Variants in FOXP2 observed in about 807,000 individuals in gnomAD.
FOXP2 encodes the protein forkhead box protein P2.
In FOXP2, 12 loss-of-function variants were observed where a neutral mutation model predicts 115.8. The observed-to-expected ratio is 0.10, with a 90% CI of 0.07 to 0.17. The LOEUF (loss-of-function observed/expected upper bound fraction) is 0.17, where lower values mean the gene tolerates loss of function less well. FOXP2 is among the 10% of genes least tolerant of loss of function. FOXP2 has a pLI of 1.00. For synonymous variants in FOXP2, 328 were observed against 297.7 expected (o/e 1.10, Z -1.05); for missense variants, 629 against 843.5 (o/e 0.75, Z 3.15).
chr7:114,430,058 AT>A (rs1276248204), intron 2 of FOXP2, among the ~76,000 whole-genome samples: 4 of 151,572 alleles, frequency 2.6e-5, no homozygotes, highest in Non-Finnish European at 4.4e-5. Flanking sequence ...CTCATTCTAT[AT>A]TTTCATCTTC....
intron 16 of FOXP2, among the ~76,000 whole-genome samples, chr7:114,673,041 T>C (rs945016667): frequency 5.3e-5 from 8 of 152,200 alleles, no homozygotes; most frequent in Non-Finnish European, 1.2e-4. Context: ...ATACACCCCG[T>C]ATACTCATAT....
At chr7:114,523,037 C>A (rs1424049051) in intron 2 of FOXP2, among the ~76,000 whole-genome samples, 3 of 151,728 alleles carry the variant, frequency 2.0e-5, no homozygotes, top group South Asian at 4.2e-4. Context: ...TTATTTCATT[C>A]TTTTAATAGT....
intron 13 of FOXP2, among the ~76,000 whole-genome samples, chr7:114,660,969 A>G (rs1041429559): frequency 6.6e-6 from 1 of 151,856 alleles, no homozygotes; most frequent in African/African-American, 2.4e-5. Flanking sequence ...GCTCATTAAT[A>G]TTAAAATTAT....
chr7:114,277,092 G>C (rs770301593), intron 1 of FOXP2, among the ~76,000 whole-genome samples: 1 of 152,106 alleles, frequency 6.6e-6, no homozygotes, highest in Non-Finnish European at 1.5e-5. Flanking sequence ...GGGTTTAGAA[G>C]TCGGAACCCA....
intron 15 of FOXP2, among the ~76,000 whole-genome samples, chr7:114,663,853 G>A (rs1807018602): frequency 6.6e-6 from 1 of 152,116 alleles, no homozygotes; most frequent in Admixed American, 6.6e-5. Flanking sequence ...GGAACATGGT[G>A]CTTGTGGCAA....
intron 2 of FOXP2, among the ~76,000 whole-genome samples, chr7:114,377,404 T>C (rs1298648374): frequency 6.6e-6 from 1 of 152,194 alleles, no homozygotes; most frequent in Non-Finnish European, 1.5e-5. Context: ...GAAGTCATTC[T>C]GGGGAGGTAA....
At chr7:114,118,407 A>G (rs761496201) in intron 1 of FOXP2, among the ~76,000 whole-genome samples, 4 of 152,128 alleles carry the variant, frequency 2.6e-5, no homozygotes, top group Non-Finnish European at 4.4e-5. Context: ...ATAGACAGGT[A>G]TAGTAAATGA....
At chr7:114,317,186 G>A (rs188525475) in intron 2 of FOXP2, among the ~76,000 whole-genome samples, 46 of 152,296 alleles carry the variant, frequency 3.0e-4, no homozygotes, top group Non-Finnish European at 5.6e-4. Context: ...GGTACCTAGT[G>A]AGATTTCTGT....
At chr7:114,267,590 G>A (rs1033759083) in intron 1 of FOXP2, among the ~76,000 whole-genome samples, 14 of 151,674 alleles carry the variant, frequency 9.2e-5, no homozygotes, top group African/African-American at 3.1e-4. Context: ...AGCCAGGTGT[G>A]GTGGTGGGTG....
chr7:114,634,707 T>C (rs1805119492), intron 6 of FOXP2, among the ~76,000 whole-genome samples: 1 of 152,168 alleles, frequency 6.6e-6, no homozygotes, highest in African/African-American at 2.4e-5. Flanking sequence ...ATATACTGAT[T>C]ATAAATCTAT....
intron 1 of FOXP2, among the ~76,000 whole-genome samples, chr7:114,100,150 T>A (rs887769948): frequency 1.3e-5 from 2 of 152,210 alleles, no homozygotes; most frequent in African/African-American, 4.8e-5. Flanking sequence ...TGAATTGGAA[T>A]CAACCATTAT....
chr7:114,285,948 AT>A (rs749875820), intron 1 of FOXP2, among the ~76,000 whole-genome samples: 1 of 151,972 alleles, frequency 6.6e-6, no homozygotes, highest in Non-Finnish European at 1.5e-5. Flanking sequence ...AGCAAAATCA[AT>A]TAATTTTATG....
chr7:114,621,457 C>A (rs1182134385), intron 3 of FOXP2, among the ~76,000 whole-genome samples: 1 of 152,022 alleles, frequency 6.6e-6, no homozygotes, highest in Non-Finnish European at 1.5e-5. Context: ...ATGAACTAAT[C>A]TTGGATCTGT....
chr7:114,134,490 G>A (rs1395910861), intron 1 of FOXP2, among the ~76,000 whole-genome samples: 3 of 152,102 alleles, frequency 2.0e-5, no homozygotes, highest in African/African-American at 7.2e-5. Context: ...GAGGCGGGCG[G>A]ATCACGAGGT....
At chr7:114,323,371 G>T (rs909067299) in intron 2 of FOXP2, among the ~76,000 whole-genome samples, 3 of 152,096 alleles carry the variant, frequency 2.0e-5, no homozygotes, top group Non-Finnish European at 4.4e-5. Context: ...TTGGTTTTAT[G>T]CAAAGAGAAA....
chr7:114,331,556 A>T (rs1797714363), intron 2 of FOXP2, among the ~76,000 whole-genome samples: 1 of 152,176 alleles, frequency 6.6e-6, no homozygotes, highest in African/African-American at 2.4e-5. Context: ...AAAACGTGTC[A>T]GCTTCTTCTC....
At chr7:114,376,176 T>C (rs1792133135) in intron 2 of FOXP2, among the ~76,000 whole-genome samples, 1 of 152,136 alleles carries the variant, frequency 6.6e-6, no homozygotes, top group African/African-American at 2.4e-5. Flanking sequence ...ACAACCAGGA[T>C]TCAGATCTTA....
At chr7:114,586,010 G>A (rs1040930407) in intron 3 of FOXP2, among the ~76,000 whole-genome samples, 2 of 151,382 alleles carry the variant, frequency 1.3e-5, no homozygotes, top group African/African-American at 4.8e-5. Flanking sequence ...TTTGGTTGGG[G>A]TGTGTGTGTG....
chr7:114,465,921 A>G (rs1269432765), intron 2 of FOXP2, among the ~76,000 whole-genome samples: 1 of 152,108 alleles, frequency 6.6e-6, no homozygotes, highest in African/African-American at 2.4e-5. Context: ...CTTCCCTCCC[A>G]TCTGTTGAGG....
Sources: gnomAD v4.1 joint callset for allele counts (sites outside exome capture counted in the v4.1 genomes callset) on GRCh38, gnomAD v4.1.1 for gene constraint, MANE v1.5 for transcripts, NCBI Gene and HGNC (gene_info 2026-07-23, HGNC 2026-07-21) for gene names.